Variants in CYB561A3 observed in about 807,000 individuals in gnomAD.
CYB561A3 encodes the protein lysosomal membrane ascorbate-dependent ferrireductase CYB561A3.
CYB561A3 carries 16 observed loss-of-function variants against 25.3 expected under a neutral mutation model. That is an observed-to-expected ratio of 0.63 (90% CI 0.43 to 0.96). The LOEUF is 0.96. Ranked by LOEUF, CYB561A3 falls within the 40% of genes least tolerant of loss-of-function variation. The pLI is 0.00. For missense variants in CYB561A3, 219 were observed against 307.5 expected, an observed-to-expected ratio of 0.71 and a Z score of 2.15; for synonymous variants, 131 against 129.9, an observed-to-expected ratio of 1.01 and a Z score of -0.06.
At chr11:61,352,694 C>A in intron 5 of CYB561A3, 1 of 751,776 alleles carries the variant, frequency 1.3e-6, no homozygotes, top group Non-Finnish European at 1.8e-6. Flanking sequence ...GCAATGACAA[C>A]AATACCAATC....
At chr11:61,358,439 A>AT (rs1857723837) in intron 1 of CYB561A3, 1 of 149,654 alleles carries the variant, frequency 6.7e-6, no homozygotes, top group African/African-American at 2.5e-5. Flanking sequence ...AAAAAAAAAA[A>AT]GGCTGGGTGA....
At chr11:61,350,491 C>G in intron 6 of CYB561A3, 69 bp from the exon 7 acceptor site, 1 of 1,581,202 alleles carries the variant, frequency 6.3e-7, no homozygotes, top group Non-Finnish European at 8.6e-7. Flanking sequence ...CCAAGCTGTT[C>G]AGACAGACCC....
intron 3 of CYB561A3, 70 bp downstream of exon 3, chr11:61,356,460 T>C: frequency 6.9e-7 from 1 of 1,459,318 alleles, no homozygotes; most frequent in South Asian, 1.3e-5. Flanking sequence ...AAGGCCAGCC[T>C]TGGAGAGGGA....
intron 6 of CYB561A3, 183 bp from the exon 7 acceptor site, chr11:61,350,605 C>G (rs1266015384): frequency 1.4e-6 from 1 of 700,798 alleles, no homozygotes; most frequent in African/African-American, 1.8e-5. Flanking sequence ...CCATCAAGAC[C>G]TGCTCTGAGC....
chr11:61,359,386 C>T (rs4939517), intron 1 of CYB561A3: 113,150 of 152,052 alleles, frequency 0.74, 45,598 homozygotes, highest in East Asian at 0.96. Context: ...TCCTCAATTC[C>T]TCCAAGGGCA....
chr11:61,352,853 C>A, intron 5 of CYB561A3, 132 bp downstream of exon 5: 1 of 1,516,384 alleles, frequency 6.6e-7, no homozygotes, highest in South Asian at 1.3e-5. Context: ...ATTCTGTTAC[C>A]TTCCAGATCA....
intron 4 of CYB561A3, chr11:61,353,489 T>G: frequency 1.5e-6 from 1 of 659,974 alleles, no homozygotes. Flanking sequence ...GAGGTGGGAG[T>G]GGGGAAAGTG....
intron 2 of CYB561A3, chr11:61,357,455 C>T (rs144957632): frequency 2.0e-6 from 1 of 509,404 alleles, no homozygotes; most frequent in East Asian, 3.5e-5. Context: ...TTCCACAAGT[C>T]CTTGATAAAC....
intron 1 of CYB561A3, chr11:61,359,119 G>A (rs573414785): frequency 1.3e-5 from 2 of 151,662 alleles, no homozygotes; most frequent in East Asian, 3.9e-4. Flanking sequence ...AGCTACCAGG[G>A]AGGCTGAGGC....
At position 61,352,443 on chromosome 11, in the gene CYB561A3, T is replaced by C. The variant is rs146692242; in HGVS notation, c.548+542A>G. The C allele has an allele frequency of 9.7e-3, 1,532 of 157,612 alleles. 39 individuals are homozygous for C. Among genetic ancestry groups the C allele is most frequent in the African/African-American group, 0.035 (1,466 of 41,520 alleles). 9.8% of individuals were successfully genotyped at this position (157,612 alleles called of 1,614,324 possible). A position where few individuals can be genotyped will look rare whatever the true frequency, so the allele number is the denominator to read the frequency against. On this transcript the variant is annotated intron_variant, in intron 5 of 6. Transcript: ENST00000294072. ...CTGGGAGGCCGAGGCGGGCAGATCATGAGGTCAGGAGTCCGAGACCAGCCT... is the reference window on the plus strand; with the variant it reads ...CTGGGAGGCCGAGGCGGGCAGATCACGAGGTCAGGAGTCCGAGACCAGCCT...
chr11:61,350,787 G>C, intron 6 of CYB561A3: 1 of 695,002 alleles, frequency 1.4e-6, no homozygotes, highest in Non-Finnish European at 2.3e-6. Flanking sequence ...CCAATGGACA[G>C]ACTGGGGAGT....
Position 61,361,862 on chromosome 11 carries a change from C to CT in CYB561A3, c.-242dup, listed in dbSNP as rs1185630603. 6.6e-6 allele frequency: 1 copy of CT among 152,292 alleles called. No homozygotes were observed. Among genetic ancestry groups the CT allele is most frequent in the Non-Finnish European group, 1.5e-5 (1 of 68,086 alleles). The allele number at this position is 152,292 out of a possible 1,614,324, so 9.4% of individuals were successfully genotyped here. On this transcript the variant is annotated 5_prime_UTR_variant, in exon 1 of 7. Coordinates refer to ENST00000294072, the MANE Select transcript of CYB561A3 (RefSeq NM_153611.6). ...CACTGCCCTGAATGCCTACAGCCGG[C>CT]TGGCAATGCCGCCCCAGAGCAGAGC...
Position 61,349,609 on chromosome 11 carries a change from A to T in CYB561A3, c.*790T>A, listed in dbSNP as rs1477955059. The stretch of plus-strand genomic sequence containing the variant: ...GGTGACAGACACGTAAGTCACAGGG[A>T]AAGGCCGGGATCCAGGCCTCAGCTG... On this transcript the variant is annotated 3_prime_UTR_variant, in exon 7 of 7. Transcript: ENST00000294072. 1 of 702,958 alleles carries T rather than the reference A, an allele frequency of 1.4e-6. No homozygotes were observed. Among genetic ancestry groups the T allele is most frequent in the Non-Finnish European group, 2.6e-6 (1 of 384,966 alleles). 43.5% of individuals were successfully genotyped at this position (702,958 alleles called of 1,614,324 possible).
intron 6 of CYB561A3, chr11:61,350,769 T>A (rs1057117415): frequency 3.0e-5 from 19 of 636,838 alleles, no homozygotes; most frequent in Non-Finnish European, 4.9e-5. Flanking sequence ...GGGGGGAAAT[T>A]CTGTCTCCCA....
intron 6 of CYB561A3, 142 bp from the exon 7 acceptor site, chr11:61,350,564 G>C (rs1228640057): frequency 9.6e-7 from 1 of 1,046,300 alleles, no homozygotes; most frequent in Non-Finnish European, 1.4e-6. Flanking sequence ...CAAAGTCCCT[G>C]AGCCTGGTAC....
At chr11:61,353,631 A>G in intron 4 of CYB561A3, 153 bp downstream of exon 4, 1 of 889,092 alleles carries the variant, frequency 1.1e-6, no homozygotes. Context: ...GACCTCCCAC[A>G]GCCCTTGAAT....
chr11:61,361,421 C>T (rs958613671), intron 1 of CYB561A3, among the ~76,000 whole-genome samples: 4 of 152,186 alleles, frequency 2.6e-5, no homozygotes, highest in African/African-American at 9.7e-5. Flanking sequence ...GTGCCTAGGT[C>T]CGGCTCAGGT....
chr11:61,352,025 C>G lies in CYB561A3; in HGVS notation c.549-878G>C, dbSNP rs541289171. ...GGACTACAGGTGCATGCCACGGCAC[C>G]CAGCTGTAATAATCCTTTTACCCAT... On this transcript the variant is annotated intron_variant, in intron 5 of 6. Coordinates refer to ENST00000294072, the MANE Select transcript of CYB561A3 (RefSeq NM_153611.6). 3.3e-5 allele frequency: 5 copies of G among 152,286 alleles called. No individual in the cohort carries two copies. The South Asian group carries it at 8.3e-4, about 25-fold the overall frequency. The allele number at this position is 152,286 out of a possible 1,614,324, so 9.4% of individuals were successfully genotyped here.
rs1378774614 is a variant in CYB561A3 at position 61,349,607 on chromosome 11, G to C, written c.*792C>G. On this transcript the variant is annotated 3_prime_UTR_variant, in exon 7 of 7. Coordinates refer to ENST00000294072, the MANE Select transcript of CYB561A3 (RefSeq NM_153611.6). ...CCGGTGACAGACACGTAAGTCACAG[G>C]GAAAGGCCGGGATCCAGGCCTCAGC... The C allele has an allele frequency of 4.3e-6, 3 of 702,872 alleles. No individual in the cohort carries two copies. Among genetic ancestry groups the C allele is most frequent in the African/African-American group, 1.7e-5 (1 of 57,276 alleles). 43.5% of individuals were successfully genotyped at this position (702,872 alleles called of 1,614,324 possible). A position where few individuals can be genotyped will look rare whatever the true frequency, so the allele number is the denominator to read the frequency against.
Sources: allele counts gnomAD v4.1 joint callset (sites outside exome capture counted in the v4.1 genomes callset), GRCh38; gene constraint gnomAD v4.1.1; transcripts MANE v1.5; gene names NCBI Gene and HGNC (gene_info 2026-07-23, HGNC 2026-07-21).